UBE2W: variants seen among roughly 807,000 people sequenced by gnomAD.
The protein encoded by UBE2W is ubiquitin-conjugating enzyme E2 W.
Under a neutral mutation model 27.2 loss-of-function variants are expected in UBE2W, and 18 were observed. That is an observed-to-expected ratio of 0.66 (90% CI 0.46 to 0.98). The LOEUF (loss-of-function observed/expected upper bound fraction) is 0.98. Ranked by LOEUF, UBE2W falls within the 50% of genes least tolerant of loss-of-function variation. UBE2W has a pLI of 0.00. For synonymous variants in UBE2W, 53 were observed against 57.2 expected, an observed-to-expected ratio of 0.93 and a Z score of 0.33; for missense variants, 90 against 180.2, an observed-to-expected ratio of 0.50 and a Z score of 2.87.
intron 1 of UBE2W, among the ~76,000 whole-genome samples, chr8:73,850,725 TAAA>T (rs11318665): frequency 1.9e-4 from 12 of 63,576 alleles, no homozygotes; most frequent in African/African-American, 5.6e-4. Context: ...AGCAGGACAT[TAAA>T]AAAAAAAAAA....
At chr8:73,870,428 G>A in intron 1 of UBE2W, 1 of 806,980 alleles carries the variant, frequency 1.2e-6, no homozygotes. Flanking sequence ...AGTAGAGCTA[G>A]CTTAAAATGG....
intron 1 of UBE2W, among the ~76,000 whole-genome samples, chr8:73,839,726 GTTTTTTTTTTT>G (rs149185338): frequency 8.1e-6 from 1 of 123,136 alleles, no homozygotes; most frequent in African/African-American, 3.2e-5. Flanking sequence ...TTCTTTTTTG[GTTTTTTTTTTT>G]TTTTTTTTTG....
chr8:73,863,692 A>C (rs1211200499), intron 1 of UBE2W, among the ~76,000 whole-genome samples: 1 of 152,030 alleles, frequency 6.6e-6, no homozygotes, highest in African/African-American at 2.4e-5. Flanking sequence ...TGAGAGGTGG[A>C]GGGTGCAGTG....
At chr8:73,877,804 C>T (rs1812295987) in intron 1 of UBE2W, among the ~76,000 whole-genome samples, 1 of 152,144 alleles carries the variant, frequency 6.6e-6, no homozygotes, top group Non-Finnish European at 1.5e-5. Context: ...GCACTCAATC[C>T]CTGCACAACT....
downstream of UBE2W, among the ~76,000 whole-genome samples, chr8:73,785,293 G>T (rs560596181): frequency 1.3e-5 from 2 of 151,684 alleles, no homozygotes; most frequent in Admixed American, 1.3e-4. Flanking sequence ...TTACAGGCAT[G>T]TGCCACCATG....
chr8:73,806,541 C>CAA (rs58380487), intron 4 of UBE2W, among the ~76,000 whole-genome samples: 44 of 68,490 alleles, frequency 6.4e-4, no homozygotes, highest in Middle Eastern at 0.012. Flanking sequence ...GCTAAAAATA[C>CAA]AAAAAAAAAA....
chr8:73,816,155 A>G (rs750714959), intron 3 of UBE2W, among the ~76,000 whole-genome samples: 1 of 152,208 alleles, frequency 6.6e-6, no homozygotes, highest in Non-Finnish European at 1.5e-5. Flanking sequence ...TATAGTGCAA[A>G]GACAAAATTA....
chr8:73,815,078 AAAT>A (rs1809331981), intron 3 of UBE2W, among the ~76,000 whole-genome samples: 1 of 152,214 alleles, frequency 6.6e-6, no homozygotes, highest in Non-Finnish European at 1.5e-5. Flanking sequence ...TAAAAATAAA[AAAT>A]AAGAATGAAC....
rs2130833782 is a variant in UBE2W, at chr8:73,789,199, G to A, written c.*4903C>T. On this transcript the variant is annotated 3_prime_UTR_variant, in exon 6 of 6. Coordinates refer to ENST00000602593, the MANE Select transcript of UBE2W (RefSeq NM_018299.6). Reference sequence around the variant, plus strand: ...TTAAATCGGCAAACAGACGAGGCATGGTGGCTTGCACCTGTAATCCCAGCA... The same window carrying A: ...TTAAATCGGCAAACAGACGAGGCATAGTGGCTTGCACCTGTAATCCCAGCA... 1.0e-6 allele frequency: 1 copy of A among 983,944 alleles called. No homozygotes were observed. The highest frequency in any genetic ancestry group is 1.2e-6 in the Non-Finnish European group (1 of 829,730). 61.0% of individuals were successfully genotyped at this position (983,944 alleles called of 1,614,324 possible). A position where few individuals can be genotyped will look rare whatever the true frequency, so the allele number is the denominator to read the frequency against.
chr8:73,840,121 A>T (rs1448007683), intron 1 of UBE2W, among the ~76,000 whole-genome samples: 1 of 151,628 alleles, frequency 6.6e-6, no homozygotes, highest in Non-Finnish European at 1.5e-5. Flanking sequence ...CAGTGGTGCG[A>T]TCTCGGCTCA....
intron 5 of UBE2W, among the ~76,000 whole-genome samples, chr8:73,803,616 T>TCGA (rs1808738508): frequency 1.3e-5 from 2 of 152,196 alleles, no homozygotes; most frequent in African/African-American, 2.4e-5. Context: ...AACCTACAGT[T>TCGA]TGTAAAATAC....
chr8:73,787,564 C>T lies in UBE2W; in HGVS notation c.*6538G>A. 1 of 985,410 alleles carries T rather than the reference C, an allele frequency of 1.0e-6. No homozygotes were observed. Among genetic ancestry groups the T allele is most frequent in the Non-Finnish European group, 1.2e-6 (1 of 829,930 alleles). 61.0% of individuals were successfully genotyped at this position (985,410 alleles called of 1,614,324 possible). Reference sequence around the variant, plus strand: ...GGCAGAATGGCTGCCTCAATGAGGACTAAGGTGCTCCTGGGGCAAGCAGAT... The same window carrying T: ...GGCAGAATGGCTGCCTCAATGAGGATTAAGGTGCTCCTGGGGCAAGCAGAT... On this transcript the variant is annotated 3_prime_UTR_variant, in exon 6 of 6. Transcript: ENST00000602593.
intron 4 of UBE2W, 40 bp from the exon 5 acceptor site, chr8:73,805,766 A>C: frequency 3.2e-6 from 4 of 1,232,904 alleles, no homozygotes; most frequent in Non-Finnish European, 4.5e-6. Flanking sequence ...AAAAACAGAA[A>C]AACTGAGAGG....
At chr8:73,800,024 T>C (rs1808573384) in intron 5 of UBE2W, among the ~76,000 whole-genome samples, 1 of 152,230 alleles carries the variant, frequency 6.6e-6, no homozygotes, top group African/African-American at 2.4e-5. Context: ...AGCGTATGAT[T>C]ATCTTTGTAA....
At chr8:73,798,115 C>T (rs1014536897) in intron 5 of UBE2W, among the ~76,000 whole-genome samples, 1 of 152,032 alleles carries the variant, frequency 6.6e-6, no homozygotes, top group Non-Finnish European at 1.5e-5. Flanking sequence ...TAGTGAAATC[C>T]CATCTATACC....
intron 3 of UBE2W, among the ~76,000 whole-genome samples, chr8:73,820,128 A>C (rs1234625520): frequency 6.6e-6 from 1 of 152,142 alleles, no homozygotes; most frequent in Non-Finnish European, 1.5e-5. Context: ...TTTAGGTAAC[A>C]AGTGCTAATG....
At chr8:73,813,953 G>A (rs1044700130) in intron 3 of UBE2W, among the ~76,000 whole-genome samples, 3 of 151,984 alleles carry the variant, frequency 2.0e-5, no homozygotes, top group Non-Finnish European at 2.9e-5. Context: ...AGCTGGTCTC[G>A]AACTCCTGAC....
At chr8:73,850,725 TAA>T (rs11318665) in intron 1 of UBE2W, among the ~76,000 whole-genome samples, 119 of 63,586 alleles carry the variant, frequency 1.9e-3, no homozygotes, top group East Asian at 3.7e-3. Flanking sequence ...AGCAGGACAT[TAA>T]AAAAAAAAAA....
At chr8:73,856,473 T>A (rs2130961245) in intron 1 of UBE2W, among the ~76,000 whole-genome samples, 1 of 150,002 alleles carries the variant, frequency 6.7e-6, no homozygotes, top group African/African-American at 2.5e-5. Flanking sequence ...CAAGCAATTC[T>A]CCTGCCTCAG....
Sources: gnomAD v4.1 joint callset for allele counts (sites outside exome capture counted in the v4.1 genomes callset) on GRCh38, gnomAD v4.1.1 for gene constraint, MANE v1.5 for transcripts, NCBI Gene and HGNC (gene_info 2026-07-23, HGNC 2026-07-21) for gene names.